The following GOLGA5 variants were observed in gnomAD, a reference collection of about 807,000 sequenced individuals.
GOLGA5 encodes the protein golgin subfamily A member 5.
GOLGA5 carries 50 observed loss-of-function variants against 93.5 expected under a neutral mutation model. The ratio of observed to expected loss-of-function variants is 0.53; its 90% CI spans 0.43 to 0.68. The LOEUF is 0.68. GOLGA5 is among the 30% of genes least tolerant of loss of function. The pLI, the probability that GOLGA5 is intolerant of heterozygous loss-of-function variation, is 0.00. For synonymous variants in GOLGA5, 312 were observed against 304.5 expected, an observed-to-expected ratio of 1.02 and a Z score of -0.26; for missense variants, 760 against 856.4, an observed-to-expected ratio of 0.89 and a Z score of 1.40.
chr14:92,837,506 T>TTTC, intron 12 of GOLGA5, 57 bp downstream of exon 12: 6 of 619,810 alleles, frequency 9.7e-6, no homozygotes, highest in Non-Finnish European at 1.6e-5. Context: ...TAGTTTTTTT[T>TTTC]TTTGTTTGTT....
At chr14:92,794,670 A>AC (rs1312762859) in intron 1 of GOLGA5, among the ~76,000 whole-genome samples, 3 of 151,790 alleles carry the variant, frequency 2.0e-5, no homozygotes, top group Admixed American at 6.6e-5. Context: ...CTTTCTCCTG[A>AC]CCCCTGCCTG....
chr14:92,832,035 A>G (rs1269008763), intron 9 of GOLGA5, among the ~76,000 whole-genome samples: 1 of 152,196 alleles, frequency 6.6e-6, no homozygotes, highest in African/African-American at 2.4e-5. Context: ...TCTTGCCCTC[A>G]TGAAGCTGAC....
chr14:92,816,581 T>C (rs1885213993), intron 7 of GOLGA5, among the ~76,000 whole-genome samples, 160 bp downstream of exon 7: 1 of 152,138 alleles, frequency 6.6e-6, no homozygotes, highest in Non-Finnish European at 1.5e-5. Flanking sequence ...CTTCTCTTCT[T>C]TTGGAGTCAG....
rs889582694 is a variant in GOLGA5 at position 92,817,090 on chromosome 14, G to A, written c.1491+669G>A. ...TGAGTAGCTGGGATTACAGACGTGCGCCACCACACCTGGCTAATTTTTGTA... is the reference window on the plus strand; with the variant it reads ...TGAGTAGCTGGGATTACAGACGTGCACCACCACACCTGGCTAATTTTTGTA... On this transcript the variant is annotated intron_variant, in intron 7 of 12. Coordinates refer to ENST00000163416, the MANE Select transcript of GOLGA5 (RefSeq NM_005113.4). 4.6e-5 allele frequency among the ~76,000 whole-genome samples: 7 copies of A among 151,952 alleles called. No individual in the cohort carries two copies. The South Asian group carries it at 8.3e-4, about 18-fold the overall frequency.
At chr14:92,800,604 G>A (rs1291730566) in intron 2 of GOLGA5, among the ~76,000 whole-genome samples, 2 of 152,168 alleles carry the variant, frequency 1.3e-5, no homozygotes, top group African/African-American at 2.4e-5. Flanking sequence ...CTTTAGAATC[G>A]CTTGTGTGTT....
chr14:92,807,869 A>C (rs1885022378), intron 3 of GOLGA5, among the ~76,000 whole-genome samples: 1 of 152,094 alleles, frequency 6.6e-6, no homozygotes, highest in Admixed American at 6.5e-5. Flanking sequence ...ATTAGAAAGG[A>C]GTGAGGGGAT....
At chr14:92,808,116 T>C (rs1266155292) in intron 3 of GOLGA5, among the ~76,000 whole-genome samples, 5 of 151,974 alleles carry the variant, frequency 3.3e-5, no homozygotes, top group Non-Finnish European at 7.4e-5. Context: ...TGCCTGTTAT[T>C]CCAGCTACTC....
chr14:92,810,965 G>A (rs889730211), intron 5 of GOLGA5, among the ~76,000 whole-genome samples: 2 of 152,330 alleles, frequency 1.3e-5, no homozygotes, highest in South Asian at 4.1e-4. Flanking sequence ...CAAACCACTG[G>A]TCTGGGCTAG....
chr14:92,810,178 C>T (rs530294047), intron 4 of GOLGA5, 76 bp from the exon 5 acceptor site: 47 of 991,406 alleles, frequency 4.7e-5, no homozygotes, highest in South Asian at 3.1e-4. Context: ...CTAAAGCTGA[C>T]GCTCTAAAAA....
chr14:92,830,473 T>C (rs541110000), intron 9 of GOLGA5, among the ~76,000 whole-genome samples: 3 of 152,094 alleles, frequency 2.0e-5, no homozygotes, highest in African/African-American at 7.2e-5. Context: ...CCAAGATAAT[T>C]CTTCTAGTGT....
At chr14:92,835,487 G>A (rs1359036331) in intron 10 of GOLGA5, 72 bp from the exon 11 acceptor site, 7 of 1,027,190 alleles carry the variant, frequency 6.8e-6, no homozygotes, top group South Asian at 1.4e-5. Flanking sequence ...ATGTAATACA[G>A]TGTATTTCCA....
chr14:92,839,177 C>T (rs1348477243), intron 12 of GOLGA5, among the ~76,000 whole-genome samples, 189 bp from the exon 13 acceptor site: 1 of 152,194 alleles, frequency 6.6e-6, no homozygotes, highest in Non-Finnish European at 1.5e-5. Flanking sequence ...CAACTGAATT[C>T]TGTAGGAGTA....
At chr14:92,824,751 TG>T in intron 9 of GOLGA5, 107 bp downstream of exon 9, 1 of 624,536 alleles carries the variant, frequency 1.6e-6, no homozygotes, top group East Asian at 2.8e-5. Context: ...TGAGTTCTTT[TG>T]TAACAGTGGT....
rs35865539 is a variant in GOLGA5 at position 92,811,573 on chromosome 14, A to G, written c.1139A>G (p.Asn380Ser). 9.1e-4 allele frequency: 1,471 copies of G among 1,612,560 alleles called. 14 individuals carry two copies. In the African/African-American group the frequency reaches 0.018, roughly 20 times the overall value. The change falls in exon 6 of 13, where the codon AAT (asparagine) becomes AGT (serine). Residue 380 changes from asparagine (N) to serine (S), a missense_variant. Asn to Ser is a conservative substitution (Grantham distance 46, BLOSUM62 1). Transcript: ENST00000163416. ...CAGAGCGAGTTTGCTGCACGCCTTA[A>G]TAAAGTGGAAATGGAACGTCAGAAT... The part of the protein sequence containing the change: ...QMQSEFAARL[N>S]KVEMERQNLA...
At chr14:92,821,959 C>T (rs769742343) in intron 8 of GOLGA5, among the ~76,000 whole-genome samples, 4 of 152,158 alleles carry the variant, frequency 2.6e-5, no homozygotes, top group Non-Finnish European at 5.9e-5. Context: ...CGTACCTCTT[C>T]CCAGTGCCTT....
chr14:92,823,829 AGAG>A (rs33946639), intron 8 of GOLGA5, among the ~76,000 whole-genome samples: 2,697 of 152,262 alleles, frequency 0.018, 72 homozygotes, highest in African/African-American at 0.059. Context: ...TGAATTAATT[AGAG>A]GAGAACTGAC....
intron 8 of GOLGA5, 78 bp from the exon 9 acceptor site, chr14:92,824,468 C>T (rs1234313395): frequency 2.8e-6 from 2 of 706,684 alleles, no homozygotes; most frequent in East Asian, 5.1e-5. Flanking sequence ...TACCATGTGC[C>T]AGGCACTGAT....
intron 8 of GOLGA5, among the ~76,000 whole-genome samples, chr14:92,823,001 C>T (rs1314250185): frequency 6.6e-6 from 1 of 152,126 alleles, no homozygotes; most frequent in African/African-American, 2.4e-5. Flanking sequence ...TTCTTTTCTA[C>T]CAAGGCTTCT....
In GOLGA5 at chr14:92,816,212, T is replaced by C. The variant is rs758041596; in HGVS notation, c.1321-39T>C. ...AGATGATATTCAATATACAAACTAA[T>C]CTCTGCTTTGCTTAAACATATTTCT... On this transcript the variant is annotated intron_variant, in intron 6 of 12. Coordinates refer to ENST00000163416, the MANE Select transcript of GOLGA5 (RefSeq NM_005113.4). The C allele has an allele frequency of 1.5e-5, 21 of 1,395,268 alleles. No homozygotes were observed. In the South Asian group the frequency reaches 2.3e-4, roughly 15 times the overall value. 86.4% of individuals were successfully genotyped at this position (1,395,268 alleles called of 1,614,324 possible).
Sources: allele counts gnomAD v4.1 joint callset (sites outside exome capture counted in the v4.1 genomes callset), GRCh38; gene constraint gnomAD v4.1.1; transcripts MANE v1.5; gene names NCBI Gene and HGNC (gene_info 2026-07-23, HGNC 2026-07-21).